The following NRXN3 variants were observed in gnomAD, a reference collection of about 807,000 sequenced individuals.
The protein encoded by NRXN3 is neurexin 3, also known as neurexin III.
Under a neutral mutation model 137.6 loss-of-function variants are expected in NRXN3, and 32 were observed. The ratio of observed to expected loss-of-function variants is 0.23; its 90% CI spans 0.18 to 0.31. The LOEUF is 0.31. Among genes scored for constraint, NRXN3 ranks in the 10% least tolerant of loss-of-function variants. NRXN3 has a pLI of 1.00. For missense variants in NRXN3, 1,574 were observed against 2,062.5 expected (o/e 0.76, Z 4.59); for synonymous variants, 798 against 784.5 (o/e 1.02, Z -0.29).
chr14:79,422,580 T>C (rs1187603963), intron 15 of NRXN3, among the ~76,000 whole-genome samples: 2 of 152,092 alleles, frequency 1.3e-5, no homozygotes, highest in African/African-American at 2.4e-5. Context: ...AGGTATTCTA[T>C]GGTAGAAATA....
chr14:78,294,473 T>A (rs1213098945), intron 3 of NRXN3, among the ~76,000 whole-genome samples: 2 of 149,288 alleles, frequency 1.3e-5, no homozygotes, highest in Non-Finnish European at 3.0e-5. Flanking sequence ...GGAGAATCAC[T>A]TGAATCTGGG....
chr14:78,628,893 G>A (rs1231174796), intron 4 of NRXN3, among the ~76,000 whole-genome samples: 3 of 152,174 alleles, frequency 2.0e-5, no homozygotes, highest in African/African-American at 4.8e-5. Flanking sequence ...TTTGGTAGGA[G>A]AAACAAGAAG....
chr14:79,258,336 C>G (rs564628856), intron 15 of NRXN3, among the ~76,000 whole-genome samples: 1 of 152,160 alleles, frequency 6.6e-6, no homozygotes, highest in African/African-American at 2.4e-5. Flanking sequence ...TCCCAAGCAC[C>G]TGGGATTACA....
chr14:78,888,714 A>T (rs2099150534), intron 10 of NRXN3, among the ~76,000 whole-genome samples: 1 of 151,968 alleles, frequency 6.6e-6, no homozygotes, highest in Non-Finnish European at 1.5e-5. Context: ...TTCAATTTTT[A>T]TGAATTAGAT....
intron 19 of NRXN3, among the ~76,000 whole-genome samples, chr14:79,794,174 C>T (rs763222818): frequency 6.6e-6 from 1 of 152,006 alleles, no homozygotes; most frequent in Non-Finnish European, 1.5e-5. Flanking sequence ...ACCAGCCTAG[C>T]CAACATGGTG....
chr14:79,719,366 GTA>G (rs1213420299), intron 19 of NRXN3, among the ~76,000 whole-genome samples: 1 of 141,810 alleles, frequency 7.1e-6, no homozygotes, highest in East Asian at 2.1e-4. Context: ...TGTATTGTGT[GTA>G]TGTGTATATA....
intron 19 of NRXN3, among the ~76,000 whole-genome samples, chr14:79,758,242 G>A (rs1364998265): frequency 1.3e-5 from 2 of 152,094 alleles, no homozygotes; most frequent in African/African-American, 4.8e-5. Context: ...AAACATGTGA[G>A]ACTGAGTAAT....
intron 4 of NRXN3, among the ~76,000 whole-genome samples, chr14:78,380,869 C>T (rs935512746): frequency 3.7e-4 from 56 of 149,410 alleles, no homozygotes; most frequent in Middle Eastern, 6.9e-3. Context: ...ATTTTTAAAA[C>T]GAAGAATGCC....
Position 79,710,489 on chromosome 14 carries a change from TAGTTGGGA to T in NRXN3, c.4014+12561_4014+12568del, listed in dbSNP as rs539518610. Among the ~76,000 whole-genome samples, 173 of 152,330 alleles carry T rather than the reference TAGTTGGGA, an allele frequency of 1.1e-3. 2 individuals are homozygous for T. Among genetic ancestry groups the T allele is most frequent in the Middle Eastern group, 3.4e-3 (1 of 294 alleles). On this transcript the variant is annotated intron_variant, in intron 19 of 20. Transcript: ENST00000335750. ...TAAGAAGACTGCACAGCAGTGGTCT[TAGTTGGGA>T]AGTTGGGACCACAATAAGAGTGCTA...
At chr14:79,776,460 T>C (rs9806030) in intron 19 of NRXN3, among the ~76,000 whole-genome samples, 4,307 of 152,198 alleles carry the variant, frequency 0.028, 199 homozygotes, top group African/African-American at 0.099. Flanking sequence ...ATAACAAAAC[T>C]CTCCAAAATC....
chr14:78,944,157 T>C (rs1176516953), intron 10 of NRXN3, among the ~76,000 whole-genome samples: 1 of 152,162 alleles, frequency 6.6e-6, no homozygotes, highest in African/African-American at 2.4e-5. Context: ...TCTTCACTTA[T>C]TTTCTTCTGG....
intron 16 of NRXN3, among the ~76,000 whole-genome samples, chr14:79,613,655 T>C (rs2098126545): frequency 6.6e-6 from 1 of 152,204 alleles, no homozygotes; most frequent in South Asian, 2.1e-4. Flanking sequence ...TCCTAAAAGA[T>C]TTAACTAACT....
chr14:79,692,291 A>G (rs1214969226), intron 18 of NRXN3, 29 bp downstream of exon 18: 2 of 1,519,742 alleles, frequency 1.3e-6, no homozygotes, highest in South Asian at 1.2e-5. Flanking sequence ...TTCATTTTAA[A>G]ATCATTTGAT....
At chr14:79,718,057 G>A (rs191515992) in intron 19 of NRXN3, among the ~76,000 whole-genome samples, 1 of 152,250 alleles carries the variant, frequency 6.6e-6, no homozygotes, top group Admixed American at 6.5e-5. Flanking sequence ...AAATAAATTA[G>A]CAAGAGAATA....
intron 15 of NRXN3, among the ~76,000 whole-genome samples, chr14:79,464,342 T>C (rs2096393757): frequency 1.3e-5 from 2 of 152,144 alleles, no homozygotes; most frequent in African/African-American, 2.4e-5. Context: ...ACAAAAGCAA[T>C]ACAAATAATT....
At chr14:79,584,023 A>T (rs142258713) in intron 16 of NRXN3, among the ~76,000 whole-genome samples, 244 of 152,338 alleles carry the variant, frequency 1.6e-3, no homozygotes, top group Non-Finnish European at 2.7e-3. Context: ...CAGTTCCATG[A>T]AGTCATCATA....
rs2099414198 is a variant in NRXN3 at position 79,861,748 on chromosome 14, C to T, written c.4500C>T (p.Val1500=). ...RESSSTTGMV[V]GIVAAAALCI... ...CGAGCAGCACAACAGGGATGGTCGTCGGCATTGTGGCTGCTGCCGCCCTCT... is the reference window on the plus strand; with the variant it reads ...CGAGCAGCACAACAGGGATGGTCGTTGGCATTGTGGCTGCTGCCGCCCTCT... The change falls in exon 21 of 21, where the codon GTC becomes GTT. Residue 1500 remains valine (V), a synonymous_variant. Transcript: ENST00000335750. This position sits in a 1 kb window ranked among gnomAD's most constrained non-coding sequence, Gnocchi z 5.4. The T allele has an allele frequency of 3.7e-6, 6 of 1,614,036 alleles. No individual in the cohort carries two copies. Among genetic ancestry groups the T allele is most frequent in the Non-Finnish European group, 5.1e-6 (6 of 1,180,032 alleles).
chr14:79,570,700 A>C (rs1304810994), intron 16 of NRXN3: 1 of 152,206 alleles, frequency 6.6e-6, no homozygotes, highest in East Asian at 1.9e-4. Context: ...TGAGGCTGCT[A>C]TAAAATATCA....
intron 4 of NRXN3, among the ~76,000 whole-genome samples, chr14:78,641,741 T>C (rs1450484833): frequency 6.6e-6 from 1 of 152,164 alleles, no homozygotes; most frequent in East Asian, 1.9e-4. Flanking sequence ...AGGTTGTGAA[T>C]GGTTACAGCA....
Sources: gnomAD v4.1 joint callset for allele counts (sites outside exome capture counted in the v4.1 genomes callset) on GRCh38, gnomAD v4.1.1 for gene constraint, Gnocchi (gnomAD v3.1) non-coding constraint, MANE v1.5 for transcripts, NCBI Gene and HGNC (gene_info 2026-07-23, HGNC 2026-07-21) for gene names.